Variants in ANK2 observed in about 807,000 individuals in gnomAD.
The protein encoded by ANK2 is ankyrin 2.
In ANK2, 83 loss-of-function variants were observed where a neutral mutation model predicts 360.5. That is an observed-to-expected ratio of 0.23 (90% confidence interval 0.19 to 0.28). The LOEUF (loss-of-function observed/expected upper bound fraction) is 0.28, where lower values mean the gene tolerates loss of function less well. Ranked by LOEUF, ANK2 falls within the 10% of genes least tolerant of loss-of-function variation. ANK2 has a pLI of 1.00. For missense variants in ANK2, 4,201 were observed against 4,795.7 expected, an observed-to-expected ratio of 0.88 and a Z score of 3.66; for synonymous variants, 1,740 against 1,759.5, an observed-to-expected ratio of 0.99 and a Z score of 0.28.
At chr4:112,990,107 A>G (rs1291954555) in intron 2 of ANK2, among the ~76,000 whole-genome samples, 1 of 151,996 alleles carries the variant, frequency 6.6e-6, no homozygotes, top group Admixed American at 6.6e-5. Context: ...CCGTCTCTAC[A>G]AAAAAATTAA....
chr4:113,279,060 G>A (rs1383369853), intron 17 of ANK2, among the ~76,000 whole-genome samples: 1 of 151,814 alleles, frequency 6.6e-6, no homozygotes, highest in African/African-American at 2.4e-5. Context: ...TGCCTTTTTG[G>A]TGTATATCTA....
intron 2 of ANK2, among the ~76,000 whole-genome samples, chr4:112,931,433 CTTTTTTTTTTTTT>C (rs59802557): frequency 1.2e-5 from 1 of 85,266 alleles, no homozygotes; most frequent in Non-Finnish European, 2.2e-5. Context: ...TCTTTCTTTT[CTTTTTTTTTTTTT>C]TTTTTTTTTT....
chr4:113,043,564 G>A (rs1264055243), intron 2 of ANK2, among the ~76,000 whole-genome samples: 1 of 152,126 alleles, frequency 6.6e-6, no homozygotes, highest in Non-Finnish European at 1.5e-5. Flanking sequence ...GAGCCACTGT[G>A]CCTGGTTGAC....
chr4:113,030,101 C>CA (rs2060083406), intron 2 of ANK2, among the ~76,000 whole-genome samples: 1 of 151,794 alleles, frequency 6.6e-6, no homozygotes, highest in Non-Finnish European at 1.5e-5. Flanking sequence ...GAAAGGGCAA[C>CA]AAAATAGGAG....
At chr4:113,106,685 G>C (rs575193893) in intron 1 of ANK2, among the ~76,000 whole-genome samples, 15 of 152,170 alleles carry the variant, frequency 9.9e-5, no homozygotes, top group Non-Finnish European at 2.1e-4. Context: ...TTGTTAGTTT[G>C]TTTTTGTTTT....
intron 1 of ANK2, among the ~76,000 whole-genome samples, chr4:113,096,813 T>C (rs554520161): frequency 2.9e-4 from 44 of 152,056 alleles, no homozygotes; most frequent in South Asian, 6.2e-4. Flanking sequence ...AAAAACCCAG[T>C]AAGTCGATTT....
chr4:112,938,754 GAAGA>G (rs899615738), intron 2 of ANK2, among the ~76,000 whole-genome samples: 2 of 152,172 alleles, frequency 1.3e-5, no homozygotes, highest in African/African-American at 4.8e-5. Context: ...AATAGAGAAT[GAAGA>G]AAGGGGAGAT....
At chr4:112,911,246 G>T (rs532617807) in intron 2 of ANK2, among the ~76,000 whole-genome samples, 79 of 130,130 alleles carry the variant, frequency 6.1e-4, no homozygotes, top group African/African-American at 2.4e-3. Flanking sequence ...AGTGGCTCAT[G>T]CCTGTAATCT....
chr4:112,964,514 T>C (rs1582081316), intron 2 of ANK2, among the ~76,000 whole-genome samples: 1 of 152,124 alleles, frequency 6.6e-6, no homozygotes, highest in East Asian at 1.9e-4. Flanking sequence ...AATCTCATTC[T>C]TTTTTATGGC....
At chr4:113,260,177 A>G (rs1429636246) in intron 13 of ANK2, among the ~76,000 whole-genome samples, 1 of 152,024 alleles carries the variant, frequency 6.6e-6, no homozygotes, top group Admixed American at 6.6e-5. Context: ...ATTTGTGGCC[A>G]CTCTTACTTT....
At chr4:113,285,233 G>A (rs1336128303) in intron 18 of ANK2, among the ~76,000 whole-genome samples, 1 of 151,410 alleles carries the variant, frequency 6.6e-6, no homozygotes, top group Non-Finnish European at 1.5e-5. Flanking sequence ...AGACTTCTGT[G>A]ACCAAATGCG....
chr4:113,133,976 G>A (rs1311541116), intron 1 of ANK2, among the ~76,000 whole-genome samples: 1 of 151,936 alleles, frequency 6.6e-6, no homozygotes, highest in African/African-American at 2.4e-5. Context: ...AAATAGCAGG[G>A]GGAGTCTCTG....
At chr4:113,272,418 TTTA>T (rs1400312184) in intron 14 of ANK2, among the ~76,000 whole-genome samples, 3 of 152,222 alleles carry the variant, frequency 2.0e-5, no homozygotes, top group Non-Finnish European at 2.9e-5. Context: ...TTTTCCCTGG[TTTA>T]AATTAACATT....
the ANK2 span, among the ~76,000 whole-genome samples, chr4:112,714,129 C>T: frequency 2.0e-5 from 3 of 152,080 alleles, no homozygotes; most frequent in African/African-American, 7.2e-5. Flanking sequence ...ATTTGTATTT[C>T]CCTAATGACT....
intron 27 of ANK2, among the ~76,000 whole-genome samples, chr4:113,331,383 A>G (rs754507969): frequency 2.1e-4 from 32 of 152,204 alleles, no homozygotes; most frequent in Non-Finnish European, 4.1e-4. Flanking sequence ...GCTCCAAATT[A>G]TGTTCACACC....
chr4:113,355,854 A>T lies in ANK2; in HGVS notation c.7236A>T (p.Ala2412=), dbSNP rs1394535709. 4 of 1,613,760 alleles carry T rather than the reference A, an allele frequency of 2.5e-6. No individual in the cohort carries two copies. Among genetic ancestry groups the T allele is most frequent in the Non-Finnish European group, 3.4e-6 (4 of 1,179,930 alleles). Residue 2412 remains alanine, a synonymous_variant, in exon 38 of 46, where the codon GCA becomes GCT. Transcript: ENST00000357077. ...VIRSPQGLEL[A]LPSRDSEVLS... is the part of the protein sequence containing the mutation. ...GAAGTCCCCAAGGGTTAGAACTTGC[A>T]CTCCCTAGCCGAGATAGCGAAGTCC...
the ANK2 span, among the ~76,000 whole-genome samples, chr4:112,762,756 C>T: frequency 5.5e-4 from 84 of 152,326 alleles, no homozygotes; most frequent in Non-Finnish European, 9.1e-4. Context: ...GTGATCCACC[C>T]GCCTTGGCCT....
At chr4:112,889,824 T>C (rs2079457713) in intron 1 of ANK2, among the ~76,000 whole-genome samples, 1 of 152,192 alleles carries the variant, frequency 6.6e-6, no homozygotes, top group South Asian at 2.1e-4. Context: ...TTATTTGAGT[T>C]TGAGGAAACA....
chr4:113,236,083 T>C (rs1233613422), intron 5 of ANK2, among the ~76,000 whole-genome samples: 1 of 152,138 alleles, frequency 6.6e-6, no homozygotes, highest in East Asian at 1.9e-4. Context: ...TTTTTCTCTA[T>C]GGAAATGGAA....
Sources: gnomAD v4.1 joint callset for allele counts (sites outside exome capture counted in the v4.1 genomes callset) on GRCh38, gnomAD v4.1.1 for gene constraint, MANE v1.5 for transcripts, NCBI Gene and HGNC (gene_info 2026-07-23, HGNC 2026-07-21) for gene names.